The following RGL4 variants were observed in gnomAD, a reference collection of about 807,000 sequenced individuals.
RGL4 encodes ral-GDS-related protein.
A neutral mutation model predicts 49.6 loss-of-function variants in RGL4; 41 were observed. The observed-to-expected ratio is 0.83, with a 90% CI of 0.64 to 1.07. The LOEUF (loss-of-function observed/expected upper bound fraction) is 1.07. RGL4 is among the 50% of genes least tolerant of loss of function. The pLI is 0.00. For missense variants in RGL4, 610 were observed against 591.9 expected (o/e 1.03, Z -0.32); for synonymous variants, 255 against 238.0 (o/e 1.07, Z -0.66).
At position 23,693,802 on chromosome 22, in the gene RGL4, T is replaced by C. The variant is rs1298802159; in HGVS notation, c.740T>C (p.Ile247Thr). 10 of 1,613,952 alleles carry C rather than the reference T, an allele frequency of 6.2e-6. No homozygotes were observed. The highest frequency in any genetic ancestry group is 5.3e-5 in the African/African-American group (4 of 74,890). ...GTGCTCCACGAATGCTTGGGCTGCA[T>C]CTGGGGCCAAGGACATCTGAAGGGG... ...KVVLHECLGC[I>T]WGQGHLKGNE... Residue 247 changes from isoleucine (I) to threonine (T), a missense_variant, in exon 4 of 11, where the codon ATC (isoleucine) becomes ACC (threonine). Transcript: ENST00000290691.
At position 23,695,017 on chromosome 22, in the gene RGL4, A is replaced by C. The variant is rs374309596; in HGVS notation, c.1084A>C (p.Lys362Gln). Reference protein sequence around the residue: ...DTAVKRDLLIKAGSFKVATQE... With the variant: ...DTAVKRDLLIQAGSFKVATQE... Reference sequence around the variant, plus strand: ...TGCAGTGAAGAGGGACCTACTGATCAAGGTACAGTGGAGTCTGGGAGATGC... The same window carrying C: ...TGCAGTGAAGAGGGACCTACTGATCCAGGTACAGTGGAGTCTGGGAGATGC... The change falls in exon 6 of 11, where the codon AAG becomes CAG. Residue 362 changes from lysine (K) to glutamine (Q), a missense_variant and splice_region_variant. Transcript: ENST00000290691. 3 of 1,609,458 alleles carry C rather than the reference A, an allele frequency of 1.9e-6. No homozygotes were observed. Among genetic ancestry groups the C allele is most frequent in the African/African-American group, 1.3e-5 (1 of 74,846 alleles).
chr22:23,694,037 A>G (rs1050298932), intron 4 of RGL4, 63 bp downstream of exon 4: 136 of 1,441,456 alleles, frequency 9.4e-5, no homozygotes, highest in Non-Finnish European at 1.3e-4. Context: ...CTTCTCCTCC[A>G]TCGGCTTTCA....
At chr22:23,696,820 C>G (rs534593175) in intron 7 of RGL4, 132 bp downstream of exon 7, 334 of 747,616 alleles carry the variant, frequency 4.5e-4, no homozygotes, top group Non-Finnish European at 6.1e-5. Flanking sequence ...GGCCACTGGG[C>G]CTGGAAAACC....
chr22:23,696,448 C>A, intron 6 of RGL4, 166 bp from the exon 7 acceptor site: 1 of 1,540,908 alleles, frequency 6.5e-7, no homozygotes, highest in Non-Finnish European at 8.8e-7. Flanking sequence ...GGAGGCCCGG[C>A]TGCAAGACTG....
chr22:23,694,960 A>G lies in RGL4; in HGVS notation c.1027A>G (p.Lys343Glu), dbSNP rs762598916. ...TWAGVSSKSM[K>E]ELKELCKKDT... ...TTCCTCTGCCCATAGCAAAAGCATGAAAGAGCTAAAAGAACTCTGCAAAAA... is the reference window on the plus strand; with the variant it reads ...TTCCTCTGCCCATAGCAAAAGCATGGAAGAGCTAAAAGAACTCTGCAAAAA... Residue 343 changes from lysine to glutamate, a missense_variant, in exon 6 of 11, where the codon AAA becomes GAA. By Grantham distance (56) the Lys-to-Glu change is moderately conservative. Transcript: ENST00000290691. The G allele has an allele frequency of 1.2e-6, 2 of 1,613,304 alleles. No individual in the cohort carries two copies. The highest frequency in any genetic ancestry group is 4.5e-5 in the East Asian group (2 of 44,882).
At chr22:23,694,190 T>A in intron 4 of RGL4, 157 bp from the exon 5 acceptor site, 1 of 720,878 alleles carries the variant, frequency 1.4e-6, no homozygotes, top group Non-Finnish European at 2.4e-6. Flanking sequence ...ACTAAAATCC[T>A]CCTAGATGAG....
rs1923156014 is a variant in RGL4, at chr22:23,691,920, G to A, written c.-111G>A. On this transcript the variant is annotated 5_prime_UTR_variant, in exon 1 of 11. Transcript: ENST00000290691. ...CTGGGGTCACAGCTGGCCACTGAGA[G>A]ACCCATCCCCCTCAGCACCGTGGCT... 12 of 1,142,778 alleles carry A rather than the reference G, an allele frequency of 1.1e-5. No homozygotes were observed. The highest frequency in any genetic ancestry group is 1.5e-5 in the Non-Finnish European group (12 of 799,356). The allele number at this position is 1,142,778 out of a possible 1,614,324, so 70.8% of individuals were successfully genotyped here. A position where few individuals can be genotyped will look rare whatever the true frequency, so the allele number is the denominator to read the frequency against.
intron 6 of RGL4, chr22:23,696,380 G>C (rs2123861323): frequency 2.0e-6 from 3 of 1,464,606 alleles, no homozygotes; most frequent in Non-Finnish European, 2.7e-6. Context: ...AGCCCTCAGA[G>C]GCCCTGTGAG....
chr22:23,693,792 T>C lies in RGL4; in HGVS notation c.730T>C (p.Leu244=), dbSNP rs1421643017. 6 of 1,613,976 alleles carry C rather than the reference T, an allele frequency of 3.7e-6. No individual in the cohort carries two copies. Among genetic ancestry groups the C allele is most frequent in the Non-Finnish European group, 5.1e-6 (6 of 1,180,028 alleles). ...CAAGAAGGTGGTGCTCCACGAATGC[T>C]TGGGCTGCATCTGGGGCCAAGGACA... ...LFKKVVLHEC[L]GCIWGQGHLK... The change falls in exon 4 of 11, where the codon TTG becomes CTG. Residue 244 remains leucine (L), a synonymous_variant. Coordinates refer to ENST00000290691, the MANE Select transcript of RGL4 (RefSeq NM_153615.2).
chr22:23,696,494 G>A (rs1380204431), intron 6 of RGL4, 120 bp from the exon 7 acceptor site: 3 of 1,568,230 alleles, frequency 1.9e-6, no homozygotes, highest in Admixed American at 1.9e-5. Context: ...CTGGGCCAGT[G>A]GTATGAGCAC....
At position 23,692,833 on chromosome 22, in the gene RGL4, G is replaced by C; in HGVS notation, c.538G>C (p.Glu180Gln). ...SAPGPAPAPG[E>Q]GPPPGTVLEP... ...ACCAGGGCCAGCACCAGCACCAGGG[G>C]AAGGGCCCCCTCCAGGGACAGTGCT... is the stretch of plus-strand genomic sequence containing the variant. The change falls in exon 3 of 11, where the codon GAA becomes CAA. Residue 180 changes from glutamate (E) to glutamine (Q), a missense_variant. By Grantham distance (29) the Glu-to-Gln change is conservative (BLOSUM62 2). Coordinates refer to ENST00000290691, the MANE Select transcript of RGL4 (RefSeq NM_153615.2). 6.2e-7 allele frequency: 1 copy of C among 1,613,574 alleles called. No homozygotes were observed. The highest frequency in any genetic ancestry group is 8.5e-7 in the Non-Finnish European group (1 of 1,180,002).
At chr22:23,697,964 T>G in intron 9 of RGL4, 103 bp downstream of exon 9, 2 of 1,400,906 alleles carry the variant, frequency 1.4e-6, no homozygotes, top group South Asian at 2.5e-5. Context: ...ATCTTAGGCT[T>G]ACTGGGAGTG....
At chr22:23,698,684 G>C in intron 10 of RGL4, 160 bp from the exon 11 acceptor site, 1 of 959,366 alleles carries the variant, frequency 1.0e-6, no homozygotes, top group Non-Finnish European at 1.6e-6. Context: ...AGGCTCTCCC[G>C]TGGCCAGCTG....
At chr22:23,697,273 G>C (rs769164986) in intron 8 of RGL4, 28 bp downstream of exon 8, 1 of 1,587,106 alleles carries the variant, frequency 6.3e-7, no homozygotes, top group Admixed American at 1.7e-5. Flanking sequence ...AGGGTGCTTG[G>C]GAACCAAGAT....
At position 23,694,740 on chromosome 22, in the gene RGL4, G is replaced by A. The variant is rs1923372714; in HGVS notation, c.1017-210G>A. The A allele has an allele frequency of 1.8e-5, 11 of 600,708 alleles. No individual in the cohort carries two copies. The South Asian group carries it at 2.0e-4, about 11-fold the overall frequency. The allele number at this position is 600,708 out of a possible 1,614,324, so 37.2% of individuals were successfully genotyped here. On this transcript the variant is annotated intron_variant, in intron 5 of 10. Coordinates refer to ENST00000290691, the MANE Select transcript of RGL4 (RefSeq NM_153615.2). ...CCAGCTGAAAGCTAACTGTAAACAC[G>A]CAGTGGCTCATGTGAAGTGGAGATG...
At chr22:23,693,694 T>C in intron 3 of RGL4, 65 bp from the exon 4 acceptor site, 2 of 1,284,958 alleles carry the variant, frequency 1.6e-6, no homozygotes, top group Non-Finnish European at 2.3e-6. Context: ...AGTCCCTGCC[T>C]GGGACTGTGG....
At position 23,691,652 on chromosome 22, in the gene RGL4, T is replaced by C. The variant is rs1054229671; in HGVS notation, c.-379T>C. The stretch of plus-strand genomic sequence containing the variant: ...TGGTGGCATCCTCCCAGATTCTGAC[T>C]AGAATGACGCAGCCCAGCAACAAAT... On this transcript the variant is annotated 5_prime_UTR_variant, in exon 1 of 11. An upstream open reading frame in the 5' UTR loses its in-frame stop. Coordinates refer to ENST00000290691, the MANE Select transcript of RGL4 (RefSeq NM_153615.2). 2.5e-4 allele frequency: 52 copies of C among 206,588 alleles called. No individual in the cohort carries two copies. The highest frequency in any genetic ancestry group is 1.1e-3 in the African/African-American group (50 of 44,378). 12.8% of individuals were successfully genotyped at this position (206,588 alleles called of 1,614,324 possible). A position where few individuals can be genotyped will look rare whatever the true frequency, so the allele number is the denominator to read the frequency against.
chr22:23,698,888 G>C lies in RGL4; in HGVS notation c.*5G>C, dbSNP rs751285100. On this transcript the variant is annotated 3_prime_UTR_variant, in exon 11 of 11. Coordinates refer to ENST00000290691, the MANE Select transcript of RGL4 (RefSeq NM_153615.2). ...CTGGAGCCCGAAAACCCGTAGGCTG[G>C]CAACATCCTGCAGTGGCTGGGAACC... is the stretch of plus-strand genomic sequence containing the variant. The C allele has an allele frequency of 6.2e-7, 1 of 1,612,440 alleles. No individual in the cohort carries two copies. Among genetic ancestry groups the C allele is most frequent in the South Asian group, 1.1e-5 (1 of 90,546 alleles).
rs1240348580 is a variant in RGL4 at position 23,692,013 on chromosome 22, C to A, written c.-18C>A. ...CCCTCCTAACCCCAGGACCAGGGGA[C>A]CCAGATCTGGAGCTTTGATGAGGAA... is the stretch of plus-strand genomic sequence containing the variant. On this transcript the variant is annotated 5_prime_UTR_variant, in exon 1 of 11. Transcript: ENST00000290691. 17 of 1,611,480 alleles carry A rather than the reference C, an allele frequency of 1.1e-5. No individual in the cohort carries two copies. Among genetic ancestry groups the A allele is most frequent in the African/African-American group, 2.7e-5 (2 of 74,876 alleles).
Sources: gnomAD v4.1 joint callset for allele counts on GRCh38, gnomAD v4.1.1 for gene constraint, MANE v1.5 for transcripts, NCBI Gene and HGNC (gene_info 2026-07-23, HGNC 2026-07-21) for gene names.